The following ELAVL4 variants were observed in gnomAD, a reference collection of about 807,000 sequenced individuals.
The protein encoded by ELAVL4 is ELAV-like protein 4.
A neutral mutation model predicts 35.6 loss-of-function variants in ELAVL4; 1 was observed. The ratio of observed to expected loss-of-function variants is 0.03; its 90% CI spans 0.01 to 0.13. The LOEUF (loss-of-function observed/expected upper bound fraction) is 0.13. ELAVL4 is among the 10% of genes least tolerant of loss of function. ELAVL4 has a pLI of 1.00. For synonymous variants in ELAVL4, 156 were observed against 171.0 expected, an observed-to-expected ratio of 0.91 and a Z score of 0.69; for missense variants, 267 against 464.9, an observed-to-expected ratio of 0.57 and a Z score of 3.91.
chr1:50,148,793 T>C (rs1325394813), intron 2 of ELAVL4, among the ~76,000 whole-genome samples: 1 of 152,124 alleles, frequency 6.6e-6, no homozygotes, highest in Non-Finnish European at 1.5e-5. Context: ...CTGGTAGAAA[T>C]TATATTATTC....
intron 1 of ELAVL4, among the ~76,000 whole-genome samples, chr1:50,137,739 A>T (rs1479248969): frequency 6.6e-6 from 1 of 152,180 alleles, no homozygotes; most frequent in Non-Finnish European, 1.5e-5. Context: ...TTCTGAGAGC[A>T]AGAAATCATA....
At chr1:50,145,919 T>C (rs1355019152) in intron 2 of ELAVL4, among the ~76,000 whole-genome samples, 2 of 152,218 alleles carry the variant, frequency 1.3e-5, no homozygotes, top group Admixed American at 6.5e-5. Context: ...AACCAAATGT[T>C]TGCCAGACAC....
intron 1 of ELAVL4, among the ~76,000 whole-genome samples, chr1:50,091,524 A>G (rs1165406659): frequency 6.6e-6 from 1 of 152,168 alleles, no homozygotes; most frequent in Non-Finnish European, 1.5e-5. Context: ...AGACCCATAA[A>G]GAGGACAAAT....
Position 50,095,307 on chromosome 1 carries a change from T to C in ELAVL4, c.18+47125T>C, listed in dbSNP as rs188849556. 2.6e-3 allele frequency among the ~76,000 whole-genome samples: 390 copies of C among 152,236 alleles called. 2 individuals are homozygous for C. Among genetic ancestry groups the C allele is most frequent in the South Asian group, 0.018 (87 of 4,822 alleles). On this transcript the variant is annotated intron_variant, in intron 1 of 6. Transcript: ENST00000448907. ...GAGTTCCTTAGGAACTGCGTGGGTGTGGGGTAGGCATTAATGAGGCCCACC... is the reference window on the plus strand; with the variant it reads ...GAGTTCCTTAGGAACTGCGTGGGTGCGGGGTAGGCATTAATGAGGCCCACC...
intron 1 of ELAVL4, among the ~76,000 whole-genome samples, chr1:50,136,833 C>T (rs1671966284): frequency 6.6e-6 from 1 of 152,080 alleles, no homozygotes; most frequent in Admixed American, 6.6e-5. Flanking sequence ...GCCAGAAAAC[C>T]AGGAGTTAAG....
chr1:50,061,594 C>G (rs1159285598), intron 1 of ELAVL4, among the ~76,000 whole-genome samples: 1 of 152,114 alleles, frequency 6.6e-6, no homozygotes, highest in Non-Finnish European at 1.5e-5. Context: ...GGAGGTGCAC[C>G]ATTCAGATCT....
intron 1 of ELAVL4, among the ~76,000 whole-genome samples, chr1:50,067,004 A>G (rs780260317): frequency 6.6e-6 from 1 of 152,180 alleles, no homozygotes; most frequent in Non-Finnish European, 1.5e-5. Flanking sequence ...TTGAAAAGGA[A>G]TATCACAGTA....
chr1:50,108,386 T>C (rs917042356), upstream of ELAVL4, among the ~76,000 whole-genome samples: 5 of 152,214 alleles, frequency 3.3e-5, no homozygotes, highest in Non-Finnish European at 5.9e-5. Flanking sequence ...AAATCAGCAA[T>C]ATCTGGAAAT....
intron 1 of ELAVL4, among the ~76,000 whole-genome samples, chr1:50,063,473 T>C (rs1408707446): frequency 2.0e-5 from 3 of 152,168 alleles, no homozygotes; most frequent in African/African-American, 7.2e-5. Flanking sequence ...TATTACCTGA[T>C]GGTTTTTTAG....
intron 2 of ELAVL4, chr1:50,174,303 A>G (rs1399923055): frequency 2.0e-5 from 3 of 152,204 alleles, no homozygotes; most frequent in Non-Finnish European, 2.9e-5. Flanking sequence ...AACCACAGGT[A>G]GTTTCATTGT....
intron 2 of ELAVL4, among the ~76,000 whole-genome samples, chr1:50,163,346 C>T (rs1677131691): frequency 6.6e-6 from 1 of 152,164 alleles, no homozygotes; most frequent in Admixed American, 6.5e-5. Context: ...TCTTTGTCCT[C>T]AGTTTCCACA....
In ELAVL4 at chr1:50,109,016, C is replaced by CCG; in HGVS notation, c.-173_-172insGC. The CCG allele has an allele frequency of 1.1e-6, 1 of 905,792 alleles. No individual in the cohort carries two copies. The highest frequency in any genetic ancestry group is 6.5e-5 in the Admixed American group (1 of 15,322). 56.1% of individuals were successfully genotyped at this position (905,792 alleles called of 1,614,324 possible). A position where few individuals can be genotyped will look rare whatever the true frequency, so the allele number is the denominator to read the frequency against. On this transcript the variant is annotated 5_prime_UTR_variant, in exon 1 of 7. Transcript: ENST00000371824. The stretch of plus-strand genomic sequence containing the variant: ...CTCCTTTTCTTTTTTTTCTTTCTCT[C>CCG]CCCCGCCCACCCCCCCAAAAATAAT...
In ELAVL4 at chr1:50,080,095, A is replaced by G. The variant is rs188337816; in HGVS notation, c.18+31913A>G. ...GCTGGAAGCACTTTCTTGACTGTCT[A>G]TCTATCTTCAGACTTTATATTCCAT... is the stretch of plus-strand genomic sequence containing the variant. On this transcript the variant is annotated intron_variant, in intron 1 of 6. Transcript: ENST00000448907. Among the ~76,000 whole-genome samples the G allele has an allele frequency of 4.9e-4, 75 of 152,298 alleles. 1 individual carries two copies. The highest frequency in any genetic ancestry group is 1.6e-3 in the African/African-American group (67 of 41,556).
At chr1:50,163,949 C>A (rs779542659) in intron 2 of ELAVL4, among the ~76,000 whole-genome samples, 3 of 152,174 alleles carry the variant, frequency 2.0e-5, no homozygotes, top group Non-Finnish European at 4.4e-5. Flanking sequence ...GCAGAAAGTA[C>A]ACTGGCTCTA....
At chr1:50,085,936 G>T (rs931750192) in intron 1 of ELAVL4, among the ~76,000 whole-genome samples, 2 of 152,162 alleles carry the variant, frequency 1.3e-5, no homozygotes, top group Admixed American at 1.3e-4. Flanking sequence ...CTAGTTGTGA[G>T]GGTAGATGTT....
intron 1 of ELAVL4, among the ~76,000 whole-genome samples, chr1:50,141,217 C>G (rs1199505433): frequency 6.6e-6 from 1 of 152,104 alleles, no homozygotes; most frequent in Non-Finnish European, 1.5e-5. Flanking sequence ...TGAAATTCTT[C>G]CACATACTCC....
intron 6 of ELAVL4, 22 bp from the exon 7 acceptor site, chr1:50,200,829 C>T: frequency 6.2e-7 from 1 of 1,606,864 alleles, no homozygotes; most frequent in Non-Finnish European, 8.5e-7. Flanking sequence ...GGACCAGTCC[C>T]CCCTTCTGCT....
intron 3 of ELAVL4, among the ~76,000 whole-genome samples, chr1:50,181,751 T>A (rs1213943305): frequency 6.6e-6 from 1 of 152,216 alleles, no homozygotes; most frequent in African/African-American, 2.4e-5. Flanking sequence ...TGGTGCGATC[T>A]GGGCTCACAG....
intron 1 of ELAVL4, among the ~76,000 whole-genome samples, chr1:50,130,763 G>A (rs765932928): frequency 6.6e-6 from 1 of 152,026 alleles, no homozygotes; most frequent in Non-Finnish European, 1.5e-5. Context: ...CTGGCCCATC[G>A]AAGGAACTCA....
Sources: gnomAD v4.1 joint callset for allele counts (sites outside exome capture counted in the v4.1 genomes callset) on GRCh38, gnomAD v4.1.1 for gene constraint, MANE v1.5 for transcripts, NCBI Gene and HGNC (gene_info 2026-07-23, HGNC 2026-07-21) for gene names.